Variants in PRR16 observed in about 807,000 individuals in gnomAD.
PRR16 encodes the protein proline rich 16.
In PRR16, 6 loss-of-function variants were observed where a neutral mutation model predicts 18.2. The observed-to-expected ratio is 0.33, with a 90% CI of 0.18 to 0.65. The LOEUF (loss-of-function observed/expected upper bound fraction) is 0.65, where lower values mean the gene tolerates loss of function less well. Ranked by LOEUF, PRR16 falls within the 30% of genes least tolerant of loss-of-function variation. PRR16 has a pLI of 0.74. For synonymous variants in PRR16, 151 were observed against 147.8 expected (o/e 1.02, Z -0.16); for missense variants, 412 against 376.6 (o/e 1.09, Z -0.78).
intron 1 of PRR16, among the ~76,000 whole-genome samples, chr5:120,565,481 A>T (rs963797172): frequency 2.0e-4 from 31 of 152,328 alleles, no homozygotes; most frequent in Non-Finnish European, 3.5e-4. Context: ...TGCAGAAGAC[A>T]TTCAGCACTA....
At chr5:120,480,449 T>G (rs1312259716) in intron 1 of PRR16, among the ~76,000 whole-genome samples, 4 of 152,174 alleles carry the variant, frequency 2.6e-5, no homozygotes, top group African/African-American at 9.7e-5. Flanking sequence ...GGGGGATAGT[T>G]ACCAAGAAAC....
At chr5:120,543,469 A>G (rs954368950) in intron 1 of PRR16, among the ~76,000 whole-genome samples, 3 of 152,176 alleles carry the variant, frequency 2.0e-5, no homozygotes, top group East Asian at 1.9e-4. Context: ...TAGATATTGC[A>G]GTGTAACTGG....
At chr5:120,557,605 C>T (rs2112711410) in intron 1 of PRR16, among the ~76,000 whole-genome samples, 1 of 151,938 alleles carries the variant, frequency 6.6e-6, no homozygotes, top group Non-Finnish European at 1.5e-5. Context: ...CTCTGGGCAA[C>T]TCTTTGGTAG....
At chr5:120,701,423 G>A in the PRR16 span, among the ~76,000 whole-genome samples, 4 of 152,124 alleles carry the variant, frequency 2.6e-5, no homozygotes, top group African/African-American at 9.7e-5. Flanking sequence ...GATCCTAAAC[G>A]CTATCCGATT....
chr5:120,783,583 T>C, the PRR16 span, among the ~76,000 whole-genome samples: 1 of 152,144 alleles, frequency 6.6e-6, no homozygotes, highest in East Asian at 1.9e-4. Flanking sequence ...ATTGTTTTAA[T>C]TTTTATGAGT....
rs140551502 is a variant in PRR16, at chr5:120,530,755, A to G, written c.159+66110A>G. On this transcript the variant is annotated intron_variant, in intron 1 of 1. Coordinates refer to ENST00000407149, the MANE Select transcript of PRR16 (RefSeq NM_001300783.2). ...GGGATGGTAGGGTGAAATTAGTTCA[A>G]AGGAGAAAGGTAAAGGTTATTTGAG... Among the ~76,000 whole-genome samples the G allele has an allele frequency of 4.4e-4, 67 of 152,178 alleles. 3 individuals are homozygous for G. In the East Asian group the frequency reaches 0.012, roughly 26 times the overall value.
chr5:120,505,930 GTGTA>G (rs1276363239), intron 1 of PRR16, among the ~76,000 whole-genome samples: 2 of 134,352 alleles, frequency 1.5e-5, no homozygotes, highest in African/African-American at 3.0e-5. Flanking sequence ...ATATATATGT[GTGTA>G]TGTGTGTGTG....
At chr5:120,560,677 T>C (rs1427532376) in intron 1 of PRR16, among the ~76,000 whole-genome samples, 1 of 152,100 alleles carries the variant, frequency 6.6e-6, no homozygotes, top group African/African-American at 2.4e-5. Context: ...TTCTCTTTTA[T>C]ATTTTTCAGA....
At chr5:120,588,906 C>T (rs1753540640) in intron 1 of PRR16, among the ~76,000 whole-genome samples, 1 of 151,672 alleles carries the variant, frequency 6.6e-6, no homozygotes, top group South Asian at 2.1e-4. Context: ...TAGGTTATCT[C>T]TCTCTGTCTA....
chr5:120,646,979 T>C (rs1016447837), intron 1 of PRR16, among the ~76,000 whole-genome samples: 2 of 152,020 alleles, frequency 1.3e-5, no homozygotes, highest in Non-Finnish European at 2.9e-5. Flanking sequence ...CAATAGTTCC[T>C]CTAGTTGAAT....
chr5:120,605,499 T>C (rs1302483207), intron 1 of PRR16, among the ~76,000 whole-genome samples: 1 of 152,200 alleles, frequency 6.6e-6, no homozygotes, highest in Non-Finnish European at 1.5e-5. Context: ...ACATCTAGAT[T>C]GTGAATTCTG....
At chr5:120,640,438 G>T (rs775715402) in intron 1 of PRR16, among the ~76,000 whole-genome samples, 1 of 152,042 alleles carries the variant, frequency 6.6e-6, no homozygotes, top group Admixed American at 6.6e-5. Context: ...CATGAGCCAC[G>T]CACACATAAA....
chr5:120,641,900 T>C (rs933874930), intron 1 of PRR16, among the ~76,000 whole-genome samples: 4 of 152,012 alleles, frequency 2.6e-5, no homozygotes, highest in African/African-American at 9.7e-5. Flanking sequence ...AAGAATGGAG[T>C]CCATCTGATT....
At chr5:120,792,163 T>G in the PRR16 span, among the ~76,000 whole-genome samples, 9 of 152,170 alleles carry the variant, frequency 5.9e-5, no homozygotes, top group East Asian at 1.9e-4. Context: ...ATATAGTTCT[T>G]TATTTTGTGC....
chr5:120,493,525 C>T (rs547398444), intron 1 of PRR16, among the ~76,000 whole-genome samples: 4 of 152,102 alleles, frequency 2.6e-5, no homozygotes, highest in South Asian at 2.1e-4. Context: ...GCAGAGAGAT[C>T]CCATTTCTCT....
At chr5:120,614,465 C>G (rs1297024751) in intron 1 of PRR16, among the ~76,000 whole-genome samples, 1 of 152,190 alleles carries the variant, frequency 6.6e-6, no homozygotes, top group Non-Finnish European at 1.5e-5. Context: ...AATGCCAAGC[C>G]TAAATTTCAG....
chr5:120,534,338 A>G (rs1751646883), intron 1 of PRR16, among the ~76,000 whole-genome samples: 1 of 152,144 alleles, frequency 6.6e-6, no homozygotes, highest in Non-Finnish European at 1.5e-5. Context: ...CTTAAAAGAT[A>G]TTATATTTTT....
chr5:120,647,394 A>T lies in PRR16; in HGVS notation c.160-38560A>T, dbSNP rs537428714. Among the ~76,000 whole-genome samples, 46 of 119,730 alleles carry T rather than the reference A, an allele frequency of 3.8e-4. No homozygotes were observed. In the East Asian group the frequency reaches 4.0e-3, roughly 10 times the overall value. 78.5% of individuals were successfully genotyped at this position (119,730 alleles called of 152,430 possible). On this transcript the variant is annotated intron_variant, in intron 1 of 1. Transcript: ENST00000407149. ...ACCTGCTTAATTTTTTAAGAGATTT[A>T]AAAAAAAAAGAGATTTCATAAATAG...
At chr5:120,611,581 A>G (rs1396125998) in intron 1 of PRR16, among the ~76,000 whole-genome samples, 2 of 152,208 alleles carry the variant, frequency 1.3e-5, no homozygotes, top group Admixed American at 1.3e-4. Flanking sequence ...AGAGGGTGGA[A>G]ACCCCAAGCC....
Sources: allele counts gnomAD v4.1 joint callset (sites outside exome capture counted in the v4.1 genomes callset), GRCh38; gene constraint gnomAD v4.1.1; transcripts MANE v1.5; gene names NCBI Gene and HGNC (gene_info 2026-07-23, HGNC 2026-07-21).